LAMA3: variants seen among roughly 807,000 people sequenced by gnomAD.
LAMA3 encodes the protein laminin subunit alpha-3.
Under a neutral mutation model 402.0 loss-of-function variants are expected in LAMA3, and 281 were observed. The ratio of observed to expected loss-of-function variants is 0.70; its 90% CI spans 0.63 to 0.77. The LOEUF is 0.77. LAMA3 is among the 30% of genes least tolerant of loss of function. The pLI is 0.00. For synonymous variants in LAMA3, 1,431 were observed against 1,558.4 expected (o/e 0.92, Z 1.93); for missense variants, 3,840 against 4,215.5 (o/e 0.91, Z 2.47).
intron 1 of LAMA3, among the ~76,000 whole-genome samples, chr18:23,703,262 C>T (rs963998022): frequency 2.0e-5 from 3 of 152,188 alleles, no homozygotes; most frequent in African/African-American, 7.2e-5. Flanking sequence ...ATGATCACAC[C>T]ACCTGGTGTC....
chr18:23,773,166 C>T (rs559297706), intron 8 of LAMA3, among the ~76,000 whole-genome samples: 7 of 152,318 alleles, frequency 4.6e-5, no homozygotes, highest in East Asian at 1.9e-4. Context: ...AATGAGGCTA[C>T]GAGAACAGTC....
chr18:23,775,732 AT>A (rs1223682189), intron 9 of LAMA3, 59 bp from the exon 10 acceptor site: 1 of 1,599,114 alleles, frequency 6.3e-7, no homozygotes, highest in African/African-American at 1.3e-5. Context: ...GTGTTGGAAC[AT>A]ATTTGCTTTG....
chr18:23,711,598 G>C (rs1295947688), intron 1 of LAMA3, among the ~76,000 whole-genome samples: 3 of 152,224 alleles, frequency 2.0e-5, no homozygotes, highest in African/African-American at 7.2e-5. Context: ...GAGTTACAGG[G>C]TAGTGTTAAC....
In LAMA3 at chr18:23,833,798, C is replaced by T. The variant is rs968792431; in HGVS notation, c.2824-30C>T. On this transcript the variant is annotated intron_variant, in intron 23 of 74. Transcript: ENST00000313654. ...TGGCCTGTACATGTCACAGCTGGATCACAGTCTGTCTGCTTGGCCTCTGTG... is the reference window on the plus strand; with the variant it reads ...TGGCCTGTACATGTCACAGCTGGATTACAGTCTGTCTGCTTGGCCTCTGTG... 15 of 1,611,648 alleles carry T rather than the reference C, an allele frequency of 9.3e-6. No individual in the cohort carries two copies. In the African/African-American group the frequency reaches 2.0e-4, roughly 22 times the overall value.
intron 64 of LAMA3, among the ~76,000 whole-genome samples, chr18:23,930,571 G>A (rs2082132640): frequency 6.6e-6 from 1 of 152,062 alleles, no homozygotes; most frequent in Admixed American, 6.5e-5. Flanking sequence ...AACATAGTGA[G>A]ATCCTGTCTC....
chr18:23,833,462 T>G (rs1199083060), intron 23 of LAMA3, among the ~76,000 whole-genome samples: 1 of 152,164 alleles, frequency 6.6e-6, no homozygotes, highest in Non-Finnish European at 1.5e-5. Context: ...GTACTTAATT[T>G]TTACTTCAAG....
rs772932040 is a variant in LAMA3, at chr18:23,899,113, C to T, written c.5836+48C>T. ...ATTACATTTTTTTTGGTTACATAAC[C>T]TTCATTGTACACTAAAAGAATTCCC... On this transcript the variant is annotated intron_variant, in intron 46 of 74. Transcript: ENST00000313654. 7.8e-6 allele frequency: 11 copies of T among 1,408,468 alleles called. No individual in the cohort carries two copies. The South Asian group carries it at 1.1e-4, about 14-fold the overall frequency. The allele number at this position is 1,408,468 out of a possible 1,614,324, so 87.2% of individuals were successfully genotyped here.
chr18:23,880,903 C>G (rs1286976676), intron 39 of LAMA3, among the ~76,000 whole-genome samples: 1 of 152,106 alleles, frequency 6.6e-6, no homozygotes, highest in Non-Finnish European at 1.5e-5. Context: ...AAAAGCAAAA[C>G]ACAAAACCCC....
chr18:23,730,665 G>C (rs902822080), intron 2 of LAMA3, among the ~76,000 whole-genome samples: 4 of 151,746 alleles, frequency 2.6e-5, no homozygotes, highest in African/African-American at 7.3e-5. Context: ...CCGTGCCCAG[G>C]CTTCACTCTT....
chr18:23,816,399 G>A lies in LAMA3; in HGVS notation c.2059G>A (p.Asp687Asn). 1 of 1,613,990 alleles carries A rather than the reference G, an allele frequency of 6.2e-7. No individual in the cohort carries two copies. Residue 687 changes from aspartate to asparagine, a missense_variant, in exon 18 of 75, where the codon GAC becomes AAC. Around this residue, in one of 3 missense-constraint regions of LAMA3, gnomAD observed 2,109 missense variants for 2,376.0 expected, o/e 0.89. Transcript: ENST00000313654. ...TTCCTGGCTTTCAGGGTGTCAGTGT[G>A]ACATTGGTGGGGCATTGTCCTCCAT... ...NYFGCQGCQC[D>N]IGGALSSMCS...
At chr18:23,784,226 G>A in intron 12 of LAMA3, 69 bp downstream of exon 12, 1 of 1,579,710 alleles carries the variant, frequency 6.3e-7, no homozygotes, top group Non-Finnish European at 8.7e-7. Context: ...AGGAAATGCA[G>A]ATCTTTCTGG....
At chr18:23,710,022 A>G (rs753317746) in intron 1 of LAMA3, 16 of 766,112 alleles carry the variant, frequency 2.1e-5, no homozygotes, top group East Asian at 2.5e-5. Flanking sequence ...GCTGTCTTCT[A>G]TCTTCTTCAT....
intron 27 of LAMA3, among the ~76,000 whole-genome samples, chr18:23,842,114 A>T (rs1395017656): frequency 6.6e-6 from 1 of 152,196 alleles, no homozygotes; most frequent in Admixed American, 6.5e-5. Flanking sequence ...TTACCAAATT[A>T]TACCCCCTCC....
At chr18:23,810,579 C>T in intron 13 of LAMA3, 76 bp downstream of exon 13, 1 of 1,543,674 alleles carries the variant, frequency 6.5e-7, no homozygotes, top group Non-Finnish European at 8.9e-7. Context: ...GAGAAGCCTG[C>T]AAATCCCCCA....
rs773737796 is a variant in LAMA3 at position 23,842,386 on chromosome 18, T to G, written c.3337-9T>G. ...TTTAATTTTTTTTCCTCCTCTTTTT[T>G]CCTCTTAGAATCAAGTGACCCTGAG... On this transcript the variant is annotated splice_polypyrimidine_tract_variant and intron_variant, in intron 27 of 74. Transcript: ENST00000313654. 6 of 1,614,186 alleles carry G rather than the reference T, an allele frequency of 3.7e-6. No homozygotes were observed. The highest frequency in any genetic ancestry group is 5.1e-6 in the Non-Finnish European group (6 of 1,180,030).
At chr18:23,893,845 A>G (rs914841934) in intron 42 of LAMA3, among the ~76,000 whole-genome samples, 3 of 152,228 alleles carry the variant, frequency 2.0e-5, no homozygotes, top group Admixed American at 1.3e-4. Flanking sequence ...TGTTTGCACA[A>G]TGTTCTTGAA....
Position 23,948,574 on chromosome 18 carries a change from C to CT in LAMA3, c.9352-1178dup, listed in dbSNP as rs1197740181. Among the ~76,000 whole-genome samples, 114 of 145,122 alleles carry CT rather than the reference C, an allele frequency of 7.9e-4. 1 individual carries two copies. The highest frequency in any genetic ancestry group is 3.6e-3 in the Middle Eastern group (1 of 280). ...TCACATCAACATTTTCTCTTTCTTT[C>CT]TTTTTTTTTTTTTGAGTTGGAGTCT... On this transcript the variant is annotated intron_variant, in intron 70 of 74. Transcript: ENST00000313654.
chr18:23,874,490 TA>T (rs1159326016), intron 38 of LAMA3, among the ~76,000 whole-genome samples: 12 of 152,234 alleles, frequency 7.9e-5, no homozygotes, highest in Non-Finnish European at 1.3e-4. Context: ...CCTAATAGCT[TA>T]AAGGAACATT....
At position 23,762,848 on chromosome 18, in the gene LAMA3, G is replaced by GTA. The variant is rs201103673; in HGVS notation, c.1064-545_1064-544dup. 5.9e-3 allele frequency among the ~76,000 whole-genome samples: 708 copies of GTA among 120,618 alleles called. 12 individuals are homozygous for GTA. The highest frequency in any genetic ancestry group is 0.026 in the African/African-American group (660 of 25,484). The allele number at this position is 120,618 out of a possible 152,430, so 79.1% of individuals were successfully genotyped here. A position where few individuals can be genotyped will look rare whatever the true frequency, so the allele number is the denominator to read the frequency against. On this transcript the variant is annotated intron_variant, in intron 7 of 74. Transcript: ENST00000313654. ...TTCTCCTGCCTCAGCCTCCCAAGTA[G>GTA]TATATATATATATTTTTTTTTTTTT...
Sources: allele counts gnomAD v4.1 joint callset (sites outside exome capture counted in the v4.1 genomes callset), GRCh38; gene constraint gnomAD v4.1.1; regional missense constraint gnomAD v4.1.1; transcripts MANE v1.5; gene names NCBI Gene and HGNC (gene_info 2026-07-23, HGNC 2026-07-21).